Variants in WRAP53 observed in about 807,000 individuals in gnomAD.
The protein encoded by WRAP53 is telomerase Cajal body protein 1.
In WRAP53, 28 loss-of-function variants were observed where a neutral mutation model predicts 56.6. The ratio of observed to expected loss-of-function variants is 0.50; its 90% CI spans 0.37 to 0.68. WRAP53 has a LOEUF of 0.68. WRAP53 is among the 30% of genes least tolerant of loss of function. The probability of loss-of-function intolerance (pLI) is 0.00; values close to 1 mark genes in which losing one functional copy is unlikely to be tolerated. For synonymous variants in WRAP53, 283 were observed against 283.4 expected, an observed-to-expected ratio of 1.00 and a Z score of 0.01; for missense variants, 671 against 715.5, an observed-to-expected ratio of 0.94 and a Z score of 0.71.
intron 4 of WRAP53, among the ~76,000 whole-genome samples, chr17:7,700,427 C>T (rs2074258411): frequency 6.6e-6 from 1 of 151,440 alleles, no homozygotes; most frequent in Non-Finnish European, 1.5e-5. Context: ...GGTGGATCAC[C>T]TGAGGTCAGA....
rs1212132728 is a variant in WRAP53 at position 7,699,490 on chromosome 17, A to T, written c.643-1251A>T. 3.5e-3 allele frequency among the ~76,000 whole-genome samples: 46 copies of T among 13,040 alleles called. 2 individuals are homozygous for T. The South Asian group carries it at 0.039, about 11-fold the overall frequency. 8.6% of individuals were successfully genotyped at this position (13,040 alleles called of 152,430 possible). On this transcript the variant is annotated intron_variant, in intron 4 of 10. Coordinates refer to ENST00000396463, the MANE Select transcript of WRAP53 (RefSeq NM_001143992.2). ...TATATATATATTTATATATATATAT[A>T]TATATATATATTTATATATATATAT... is the stretch of plus-strand genomic sequence containing the variant.
At chr17:7,700,493 A>G (rs1452876331) in intron 4 of WRAP53, among the ~76,000 whole-genome samples, 1 of 151,672 alleles carries the variant, frequency 6.6e-6, no homozygotes, top group African/African-American at 2.4e-5. Context: ...ATTAAAAAAA[A>G]AAACAAAAAC....
intron 4 of WRAP53, among the ~76,000 whole-genome samples, chr17:7,699,532 A>T (rs1172301763): frequency 1.3e-5 from 1 of 75,474 alleles, no homozygotes; most frequent in Non-Finnish European, 2.5e-5. Context: ...TTATATATAT[A>T]TATATATTCC....
rs749881818 is a variant in WRAP53, at chr17:7,689,342, A to G, written c.530+20A>G. On this transcript the variant is annotated intron_variant, in intron 3 of 10. Transcript: ENST00000396463. ...TAAGTGGTAAGGATAACAACGGGGC[A>G]GGGAGCTGACCACCCCCGAGATTTT... is the stretch of plus-strand genomic sequence containing the variant. The G allele has an allele frequency of 1.9e-6, 3 of 1,612,122 alleles. No homozygotes were observed. In the Admixed American group the frequency reaches 5.0e-5, roughly 27 times the overall value.
At chr17:7,694,998 G>T (rs2074163237) in intron 4 of WRAP53, among the ~76,000 whole-genome samples, 2 of 151,772 alleles carry the variant, frequency 1.3e-5, no homozygotes, top group African/African-American at 4.8e-5. Context: ...TGTCCCCCAG[G>T]CTGGAGTGCA....
At chr17:7,699,502 T>TTATATA (rs1172959796) in intron 4 of WRAP53, among the ~76,000 whole-genome samples, 3 of 11,754 alleles carry the variant, frequency 2.6e-4, no homozygotes, top group Admixed American at 1.5e-3. Context: ...ATATATATAT[T>TTATATA]TATATATATA....
Position 7,702,352 on chromosome 17 carries a change from CA to C in WRAP53, c.965del (p.Gln322ArgfsTer10), listed in dbSNP as rs2074286280. On this transcript the variant is annotated frameshift_variant, in exon 8 of 11. Transcript: ENST00000396463. LOFTEE classifies it high-confidence loss of function. The surrounding 1 kb of genome is among the most constrained non-coding windows in gnomAD (Gnocchi z 5.0). ...GTTCCTTCCCTCTCTAGCAAAAAAG[CA>C]GGGCCAGAGCGGCATCATCTCCTGC... The part of the protein sequence containing the change: ...CEVRATFAKK[Q>X]GQSGIISCIA... 6.2e-7 allele frequency: 1 copy of C among 1,614,018 alleles called. No individual in the cohort carries two copies. The highest frequency in any genetic ancestry group is 8.5e-7 in the Non-Finnish European group (1 of 1,180,022).
intron 4 of WRAP53, among the ~76,000 whole-genome samples, chr17:7,699,476 T>TTATATATATATATATATATATATATTTA (rs2074235656): frequency 8.8e-5 from 1 of 11,400 alleles, no homozygotes; most frequent in Non-Finnish European, 1.3e-4. Flanking sequence ...ATATATATAT[T>TTATATATATATATATATATATATATTTA]TATATATATA....
chr17:7,702,863 C>T lies in WRAP53; in HGVS notation c.1268+17C>T. 8.1e-6 allele frequency: 13 copies of T among 1,613,556 alleles called. No homozygotes were observed. Among genetic ancestry groups the T allele is most frequent in the Non-Finnish European group, 1.1e-5 (13 of 1,179,874 alleles). On this transcript the variant is annotated intron_variant, in intron 9 of 10. Coordinates refer to ENST00000396463, the MANE Select transcript of WRAP53 (RefSeq NM_001143992.2). This position sits in a 1 kb window ranked among gnomAD's most constrained non-coding sequence, Gnocchi z 5.0. ...TCTGGACCCGTGAGTGGCTGTGACT[C>T]CTTCCTACACAGGGCCCTGATAAGC...
At chr17:7,698,749 C>T (rs2074218708) in intron 4 of WRAP53, among the ~76,000 whole-genome samples, 1 of 151,912 alleles carries the variant, frequency 6.6e-6, no homozygotes, top group Non-Finnish European at 1.5e-5. Context: ...TGATAGCAGG[C>T]GCCTGTAATC....
rs541688717 is a variant in WRAP53, at chr17:7,702,925, C to A, written c.1269-68C>A. 1.2e-4 allele frequency: 194 copies of A among 1,612,882 alleles called. No individual in the cohort carries two copies. The African/African-American group carries it at 2.0e-3, about 16-fold the overall frequency. On this transcript the variant is annotated intron_variant, in intron 9 of 10. Coordinates refer to ENST00000396463, the MANE Select transcript of WRAP53 (RefSeq NM_001143992.2). The surrounding 1 kb of genome is among the most constrained non-coding windows in gnomAD (Gnocchi z 5.0). ...AGAGCCCAGCTGTAGGGTCCCAGTC[C>A]CTGGGTGTGAGGGGTTCCTGCCCCA... is the stretch of plus-strand genomic sequence containing the variant.
chr17:7,690,043 G>A (rs1051166029), intron 4 of WRAP53, among the ~76,000 whole-genome samples: 1 of 152,116 alleles, frequency 6.6e-6, no homozygotes, highest in African/African-American at 2.4e-5. Context: ...CTGCCTCCCG[G>A]GTTCAAGCGA....
chr17:7,699,270 A>AAT (rs2074226038), intron 4 of WRAP53, among the ~76,000 whole-genome samples: 1 of 149,152 alleles, frequency 6.7e-6, no homozygotes, highest in Non-Finnish European at 1.5e-5. Flanking sequence ...AAATACAAAA[A>AAT]ATTAGCTGAG....
intron 4 of WRAP53, among the ~76,000 whole-genome samples, chr17:7,700,293 T>C (rs984095449): frequency 1.3e-5 from 2 of 152,006 alleles, no homozygotes; most frequent in Admixed American, 6.6e-5. Flanking sequence ...ATTGGTTGGT[T>C]CTTTGTCTCT....
Position 7,689,664 on chromosome 17 carries a change from T to A in WRAP53, c.605T>A (p.Leu202Gln). 1 of 1,614,184 alleles carries A rather than the reference T, an allele frequency of 6.2e-7. No homozygotes were observed. The highest frequency in any genetic ancestry group is 1.3e-5 in the African/African-American group (1 of 75,030). Reference protein sequence around the residue: ...ILRIYNLPPELYHEGEQVEYA... With the variant: ...ILRIYNLPPEQYHEGEQVEYA... ...CGAATTTATAACCTGCCCCCAGAGC[T>A]GTACCATGAGGGGGAGCAGGTGGAA... The change falls in exon 4 of 11, where the codon CTG becomes CAG. Residue 202 changes from leucine (L) to glutamine (Q), a missense_variant. Around this residue, in one of 3 missense-constraint regions of WRAP53, gnomAD observed 406 missense variants for 418.5 expected, o/e 0.97. Coordinates refer to ENST00000396463, the MANE Select transcript of WRAP53 (RefSeq NM_001143992.2).
intron 4 of WRAP53, among the ~76,000 whole-genome samples, chr17:7,695,226 A>AT (rs1043388149): frequency 6.6e-6 from 1 of 152,178 alleles, no homozygotes; most frequent in Non-Finnish European, 1.5e-5. Context: ...AAGTGCTGGG[A>AT]TTACAGGCGT....
chr17:7,701,404 C>T lies in WRAP53; in HGVS notation c.732-55C>T. 1.3e-6 allele frequency: 2 copies of T among 1,595,290 alleles called. No individual in the cohort carries two copies. The highest frequency in any genetic ancestry group is 2.2e-5 in the East Asian group (1 of 44,748). On this transcript the variant is annotated intron_variant, in intron 5 of 10. Coordinates refer to ENST00000396463, the MANE Select transcript of WRAP53 (RefSeq NM_001143992.2). The surrounding 1 kb of genome is among the most constrained non-coding windows in gnomAD (Gnocchi z 4.2). ...ACAGGCATGAGCCACTGTGCCCGGC[C>T]ATTCCTCCCCTTCCTTTGACAGCAC... is the stretch of plus-strand genomic sequence containing the variant.
intron 4 of WRAP53, among the ~76,000 whole-genome samples, chr17:7,699,744 T>G (rs2074250138): frequency 6.6e-6 from 1 of 151,172 alleles, no homozygotes; most frequent in South Asian, 2.1e-4. Flanking sequence ...TTGTTTCCAT[T>G]TTTGTATTTT....
upstream of WRAP53, chr17:7,686,175 T>C (rs916071977): frequency 5.3e-5 from 8 of 152,250 alleles, no homozygotes; most frequent in Non-Finnish European, 1.0e-4. Flanking sequence ...CTTCACGACG[T>C]TCAGCCTGCG....
Sources: allele counts gnomAD v4.1 joint callset (sites outside exome capture counted in the v4.1 genomes callset), GRCh38; gene constraint gnomAD v4.1.1; regional missense constraint gnomAD v4.1.1; non-coding constraint Gnocchi (gnomAD v3.1); transcripts MANE v1.5; gene names NCBI Gene and HGNC (gene_info 2026-07-23, HGNC 2026-07-21).